DPPA2: variants seen among roughly 807,000 people sequenced by gnomAD.
The protein encoded by DPPA2 is developmental pluripotency associated 2, also known as developmental pluripotency-associated protein 2.
In DPPA2, 26 loss-of-function variants were observed where a neutral mutation model predicts 36.2. That is an observed-to-expected ratio of 0.72 (90% confidence interval 0.53 to 1.00). The LOEUF (loss-of-function observed/expected upper bound fraction) is 1.00, where lower values mean the gene tolerates loss of function less well. Among genes scored for constraint, DPPA2 ranks in the 50% least tolerant of loss-of-function variants. The probability of loss-of-function intolerance (pLI) is 0.00; values close to 1 mark genes in which losing one functional copy is unlikely to be tolerated. For missense variants in DPPA2, 361 were observed against 365.1 expected, an observed-to-expected ratio of 0.99 and a Z score of 0.09; for synonymous variants, 113 against 123.2, an observed-to-expected ratio of 0.92 and a Z score of 0.55.
At position 109,304,579 on chromosome 3, in the gene DPPA2, C is replaced by T; in HGVS notation, c.750G>A (p.Val250=). The change falls in exon 7 of 9, where the codon GTG becomes GTA. Residue 250 remains valine, a synonymous_variant. Transcript: ENST00000478945. ...RLQFHAGQAW[V]PTTHRRMISL... ...AAATCATCCTCCTGTGAGTGGTAGGCACCCAGGCCTGACCTGCATGAAACT... is the reference window on the plus strand; with the variant it reads ...AAATCATCCTCCTGTGAGTGGTAGGTACCCAGGCCTGACCTGCATGAAACT... 6.2e-7 allele frequency: 1 copy of T among 1,614,126 alleles called. No homozygotes were observed. Among genetic ancestry groups the T allele is most frequent in the Non-Finnish European group, 8.5e-7 (1 of 1,180,030 alleles).
At chr3:109,296,451 G>A (rs1003405972) in intron 8 of DPPA2, among the ~76,000 whole-genome samples, 1 of 152,186 alleles carries the variant, frequency 6.6e-6, no homozygotes, top group Non-Finnish European at 1.5e-5. Flanking sequence ...AAGGCAGATG[G>A]ATCACCTGAG....
Position 109,304,519 on chromosome 3 carries a change from G to C in DPPA2, c.810C>G (p.Ser270=), listed in dbSNP as rs748417329. ...ATAACATATTATCTTCTATGCCTGG[G>C]GATGGGAAAATGCAGGCAGGTAACA... ...LFLLPACIFP[S]PGIEDNMLCP... is the part of the protein sequence containing the mutation. The change falls in exon 7 of 9, where the codon TCC becomes TCG. Residue 270 remains serine (S), a synonymous_variant. Coordinates refer to ENST00000478945, the MANE Select transcript of DPPA2 (RefSeq NM_138815.4). The C allele has an allele frequency of 6.2e-7, 1 of 1,613,984 alleles. No individual in the cohort carries two copies. Among genetic ancestry groups the C allele is most frequent in the Non-Finnish European group, 8.5e-7 (1 of 1,180,002 alleles).
intron 8 of DPPA2, among the ~76,000 whole-genome samples, chr3:109,299,726 G>A (rs1707424925): frequency 7.0e-6 from 1 of 143,798 alleles, no homozygotes. Flanking sequence ...AAAGAAAAAA[G>A]AATAATGTAT....
intron 8 of DPPA2, among the ~76,000 whole-genome samples, chr3:109,299,447 G>T (rs1029059522): frequency 2.0e-5 from 3 of 152,078 alleles, no homozygotes; most frequent in African/African-American, 7.2e-5. Flanking sequence ...GAGGTGGGAG[G>T]CGGAGGTTGC....
chr3:109,308,977 AATC>A, intron 5 of DPPA2, 46 bp downstream of exon 5: 1 of 1,610,854 alleles, frequency 6.2e-7, no homozygotes. Context: ...GGACCGGACG[AATC>A]ATGATCAGAA....
At position 109,308,153 on chromosome 3, in the gene DPPA2, A is replaced by G; in HGVS notation, c.537T>C (p.Thr179=). The part of the protein sequence containing the change: ...AEETNTVEVI[T]SAPGAMLASW... ...ATGCCAACATGGCTCCCGGTGCTGA[A>G]GTTATCACTTCAACTGTATTGGTCT... The change falls in exon 6 of 9, where the codon ACT becomes ACC. Residue 179 remains threonine (T), a synonymous_variant. Coordinates refer to ENST00000478945, the MANE Select transcript of DPPA2 (RefSeq NM_138815.4). 3 of 1,614,206 alleles carry G rather than the reference A, an allele frequency of 1.9e-6. No homozygotes were observed. The highest frequency in any genetic ancestry group is 2.5e-6 in the Non-Finnish European group (3 of 1,180,042).
chr3:109,309,156 C>G lies in DPPA2; in HGVS notation c.342+14G>C, dbSNP rs756206545. ...ATTATTCCCAGCAGCAGATATTCAC[C>G]CAAGTGTACTAACCTTGCCATTAGT... is the stretch of plus-strand genomic sequence containing the variant. On this transcript the variant is annotated intron_variant, in intron 4 of 8. Coordinates refer to ENST00000478945, the MANE Select transcript of DPPA2 (RefSeq NM_138815.4). The G allele has an allele frequency of 1.9e-6, 3 of 1,614,066 alleles. No individual in the cohort carries two copies. Among genetic ancestry groups the G allele is most frequent in the Non-Finnish European group, 2.5e-6 (3 of 1,180,014 alleles).
At chr3:109,306,243 T>C (rs1707562401) in intron 6 of DPPA2, among the ~76,000 whole-genome samples, 1 of 152,138 alleles carries the variant, frequency 6.6e-6, no homozygotes. Flanking sequence ...AAATGATAAG[T>C]CACTGTGGGA....
rs568190244 is a variant in DPPA2 at position 109,314,772 on chromosome 3, T to A, written c.-13-217A>T. Among the ~76,000 whole-genome samples, 15 of 152,264 alleles carry A rather than the reference T, an allele frequency of 9.9e-5. No individual in the cohort carries two copies. In the South Asian group the frequency reaches 2.1e-3, roughly 21 times the overall value. ...TGTCCATTCAGTGACAATGTTTTTT[T>A]AAAAATTAGGCTGGGTGCGATGGCT... On this transcript the variant is annotated intron_variant, in intron 1 of 8. Coordinates refer to ENST00000478945, the MANE Select transcript of DPPA2 (RefSeq NM_138815.4).
chr3:109,298,217 T>C (rs913179264), intron 8 of DPPA2, among the ~76,000 whole-genome samples: 12 of 152,232 alleles, frequency 7.9e-5, no homozygotes, highest in Admixed American at 7.9e-4. Context: ...AATGTCATTT[T>C]ACATTTGTCA....
intron 6 of DPPA2, among the ~76,000 whole-genome samples, chr3:109,306,135 GAGA>G (rs2107312053): frequency 6.6e-6 from 1 of 152,344 alleles, no homozygotes; most frequent in Non-Finnish European, 1.5e-5. Context: ...TGTGAAACAA[GAGA>G]AGATGTGTGT....
chr3:109,314,954 T>C (rs1042467539), intron 1 of DPPA2, among the ~76,000 whole-genome samples: 2 of 152,096 alleles, frequency 1.3e-5, no homozygotes, highest in Admixed American at 6.6e-5. Flanking sequence ...TAATCCCACC[T>C]ACTCGGGAGG....
chr3:109,297,885 C>G (rs147119171), intron 8 of DPPA2, among the ~76,000 whole-genome samples: 1 of 152,190 alleles, frequency 6.6e-6, no homozygotes, highest in East Asian at 1.9e-4. Flanking sequence ...GGCAGAAGGA[C>G]AGCTTGAGGC....
At chr3:109,298,461 T>C (rs2107301409) in intron 8 of DPPA2, among the ~76,000 whole-genome samples, 1 of 152,002 alleles carries the variant, frequency 6.6e-6, no homozygotes, top group South Asian at 2.1e-4. Context: ...ACGCCTGTAA[T>C]CCCAGCCCTT....
intron 3 of DPPA2, among the ~76,000 whole-genome samples, 200 bp from the exon 4 acceptor site, chr3:109,309,530 A>G (rs1490347842): frequency 1.3e-5 from 2 of 151,686 alleles, no homozygotes; most frequent in Admixed American, 6.6e-5. Context: ...TACTAAAAAA[A>G]TACAAAAAAC....
In DPPA2 at chr3:109,304,482, C is replaced by A; in HGVS notation, c.847G>T (p.Ala283Ser). 6.2e-7 allele frequency: 1 copy of A among 1,610,910 alleles called. No homozygotes were observed. ...AAGATACATAAGGGTTACCTCTTAG[C>A]ACAGTCGGGGCATAACATATTATCT... ...IEDNMLCPDC[A>S]KRNKKMMKRL... The change falls in exon 7 of 9, where the codon GCT (alanine) becomes TCT (serine). Residue 283 changes from alanine (A) to serine (S), a missense_variant. Coordinates refer to ENST00000478945, the MANE Select transcript of DPPA2 (RefSeq NM_138815.4).
chr3:109,309,278 GCATC>G lies in DPPA2; in HGVS notation c.230_233del (p.Arg77ThrfsTer32). 3.1e-6 allele frequency: 5 copies of G among 1,614,148 alleles called. No individual in the cohort carries two copies. The highest frequency in any genetic ancestry group is 4.2e-6 in the Non-Finnish European group (5 of 1,180,016). ...TCGGCAAGGGAAGGGCTGGTATTTT[GCATC>G]TAGCTTTTTGTGGAGCTGTAAATTG... On this transcript the variant is annotated frameshift_variant, in exon 4 of 9. Coordinates refer to ENST00000478945, the MANE Select transcript of DPPA2 (RefSeq NM_138815.4). LOFTEE classifies it high-confidence loss of function.
In DPPA2 at chr3:109,316,416, G is replaced by C. The variant is rs772284458; in HGVS notation, c.-146C>G. Reference sequence around the variant, plus strand: ...TCCTCCCTCCGCAGCCTTCGGAGTGGGTGGGACTACAGGCCTGCACCGCCA... The same window carrying C: ...TCCTCCCTCCGCAGCCTTCGGAGTGCGTGGGACTACAGGCCTGCACCGCCA... On this transcript the variant is annotated 5_prime_UTR_variant, in exon 1 of 9. Coordinates refer to ENST00000478945, the MANE Select transcript of DPPA2 (RefSeq NM_138815.4). 1 of 152,824 alleles carries C rather than the reference G, an allele frequency of 6.5e-6. No homozygotes were observed. Among genetic ancestry groups the C allele is most frequent in the Non-Finnish European group, 1.5e-5 (1 of 68,632 alleles). The allele number at this position is 152,824 out of a possible 1,614,324, so 9.5% of individuals were successfully genotyped here.
chr3:109,312,767 A>G, intron 2 of DPPA2, 75 bp from the exon 3 acceptor site: 11 of 1,556,476 alleles, frequency 7.1e-6, no homozygotes, highest in Non-Finnish European at 8.8e-6. Flanking sequence ...GGCAAAAGTC[A>G]TGAATAAGGA....
Sources: allele counts gnomAD v4.1 joint callset (sites outside exome capture counted in the v4.1 genomes callset), GRCh38; gene constraint gnomAD v4.1.1; transcripts MANE v1.5; gene names NCBI Gene and HGNC (gene_info 2026-07-23, HGNC 2026-07-21).